The following ADAM29 variants were observed in gnomAD, a reference collection of about 807,000 sequenced individuals.
The protein encoded by ADAM29 is disintegrin and metalloproteinase domain-containing protein 29.
For synonymous variants in ADAM29, 367 were observed against 342.3 expected, an observed-to-expected ratio of 1.07 and a Z score of -0.80; for missense variants, 969 against 1,001.8, an observed-to-expected ratio of 0.97 and a Z score of 0.44.
chr4:174,933,909 C>G (rs1744054421), intron 3 of ADAM29, among the ~76,000 whole-genome samples: 1 of 152,180 alleles, frequency 6.6e-6, no homozygotes. Flanking sequence ...TGTGTCTCTA[C>G]TATTGTGAAT....
In ADAM29 at chr4:174,948,757, C is replaced by T. The variant is rs953168493; in HGVS notation, c.-181+11744C>T. 3.3e-5 allele frequency among the ~76,000 whole-genome samples: 5 copies of T among 152,200 alleles called. No individual in the cohort carries two copies. In the East Asian group the frequency reaches 9.7e-4, roughly 29 times the overall value. On this transcript the variant is annotated intron_variant, in intron 4 of 4. Coordinates refer to ENST00000359240, the MANE Select transcript of ADAM29 (RefSeq NM_014269.4). ...CTGCTAGCACTTGTGCTGATAGTGG[C>T]AGTGGTGATGGGGGCACTGGCAGAG...
At chr4:174,961,234 T>C (rs1485702463) in intron 4 of ADAM29, among the ~76,000 whole-genome samples, 3 of 152,002 alleles carry the variant, frequency 2.0e-5, no homozygotes, top group African/African-American at 7.2e-5. Flanking sequence ...AAATATCCCT[T>C]TTTACATACA....
chr4:174,938,449 G>A (rs1744324041), intron 4 of ADAM29, among the ~76,000 whole-genome samples: 1 of 151,978 alleles, frequency 6.6e-6, no homozygotes, highest in African/African-American at 2.4e-5. Flanking sequence ...ATTTCTTAAG[G>A]TTTTATTTGT....
intron 4 of ADAM29, among the ~76,000 whole-genome samples, chr4:174,946,713 T>C (rs1392116916): frequency 6.6e-6 from 1 of 152,146 alleles, no homozygotes; most frequent in Admixed American, 6.5e-5. Context: ...TTTTCTTTTT[T>C]TGTGGTATAT....
chr4:174,928,725 G>A (rs1743672037), intron 2 of ADAM29, among the ~76,000 whole-genome samples: 1 of 152,100 alleles, frequency 6.6e-6, no homozygotes. Context: ...TTTGCAGGGA[G>A]GTTGGTAAAC....
intron 4 of ADAM29, among the ~76,000 whole-genome samples, chr4:174,974,555 T>C (rs1157309733): frequency 5.3e-5 from 8 of 152,242 alleles, no homozygotes. Flanking sequence ...TACAAAACTT[T>C]GTTCCAGAGC....
intron 2 of ADAM29, among the ~76,000 whole-genome samples, chr4:174,927,465 A>T (rs1378908843): frequency 6.6e-6 from 1 of 152,184 alleles, no homozygotes; most frequent in African/African-American, 2.4e-5. Flanking sequence ...ATTTTAAAAA[A>T]TTTCCCTTAT....
At chr4:174,955,635 T>A (rs1745459034) in intron 4 of ADAM29, among the ~76,000 whole-genome samples, 1 of 148,056 alleles carries the variant, frequency 6.8e-6, no homozygotes, top group African/African-American at 2.5e-5. Flanking sequence ...TGTTATGCAT[T>A]GTAAACTGTC....
chr4:174,965,050 A>G (rs745713326), intron 4 of ADAM29, among the ~76,000 whole-genome samples: 1 of 152,160 alleles, frequency 6.6e-6, no homozygotes, highest in Non-Finnish European at 1.5e-5. Flanking sequence ...ATCATTTCAC[A>G]GAGAAAAAGA....
At chr4:174,939,299 ACTGT>A (rs1438188580) in intron 4 of ADAM29, among the ~76,000 whole-genome samples, 1 of 152,174 alleles carries the variant, frequency 6.6e-6, no homozygotes, top group Non-Finnish European at 1.5e-5. Context: ...ACATCAAAAC[ACTGT>A]CTAATTCATG....
chr4:174,956,522 G>GA (rs56132195), intron 4 of ADAM29, among the ~76,000 whole-genome samples: 1 of 52,038 alleles, frequency 1.9e-5, no homozygotes, highest in Admixed American at 1.7e-4. Flanking sequence ...GAGAGAGAGA[G>GA]AAAAAAAAGA....
chr4:174,921,343 C>G lies in ADAM29; in HGVS notation c.-451+551C>G, dbSNP rs192530134. On this transcript the variant is annotated intron_variant, in intron 2 of 4. Transcript: ENST00000359240. ...CTTCTTAAAAAGGCATGTGACATTACGCACACATGTAGGACAAACTGGCCT... is the reference window on the plus strand; with the variant it reads ...CTTCTTAAAAAGGCATGTGACATTAGGCACACATGTAGGACAAACTGGCCT... 5.3e-5 allele frequency among the ~76,000 whole-genome samples: 8 copies of G among 152,262 alleles called. No homozygotes were observed. The East Asian group carries it at 1.5e-3, about 29-fold the overall frequency.
chr4:174,978,147 C>A lies in ADAM29; in HGVS notation c.*159C>A. 1 of 1,179,938 alleles carries A rather than the reference C, an allele frequency of 8.5e-7. No individual in the cohort carries two copies. Among genetic ancestry groups the A allele is most frequent in the Non-Finnish European group, 1.2e-6 (1 of 831,902 alleles). The allele number at this position is 1,179,938 out of a possible 1,614,324, so 73.1% of individuals were successfully genotyped here. A position where few individuals can be genotyped will look rare whatever the true frequency, so the allele number is the denominator to read the frequency against. On this transcript the variant is annotated 3_prime_UTR_variant, in exon 5 of 5. Transcript: ENST00000359240. ...CAGTACCAATTCCAAAAACTGTATCCAGAAAAGGTACATTAAAAAAATAAT... is the reference window on the plus strand; with the variant it reads ...CAGTACCAATTCCAAAAACTGTATCAAGAAAAGGTACATTAAAAAAATAAT...
chr4:174,972,204 C>A (rs1746517220), intron 4 of ADAM29, among the ~76,000 whole-genome samples: 1 of 152,104 alleles, frequency 6.6e-6, no homozygotes, highest in Middle Eastern at 3.2e-3. Context: ...TTTATCTCTT[C>A]TTTCTTTGTT....
intron 4 of ADAM29, among the ~76,000 whole-genome samples, chr4:174,967,812 G>T (rs548843356): frequency 2.0e-5 from 3 of 152,118 alleles, no homozygotes. Context: ...ATTGTTGGGT[G>T]GTTAAGACAA....
intron 4 of ADAM29, among the ~76,000 whole-genome samples, chr4:174,941,968 G>T (rs1166152012): frequency 3.9e-5 from 6 of 152,158 alleles, no homozygotes; most frequent in Non-Finnish European, 7.3e-5. Flanking sequence ...GGAAAAATTG[G>T]CCAAAACAAA....
Position 174,975,923 on chromosome 4 carries a change from C to G in ADAM29, c.398C>G (p.Ala133Gly). Residue 133 changes from alanine to glycine, a missense_variant, in exon 5 of 5, where the codon GCT becomes GGT. By Grantham distance (60) the Ala-to-Gly change is moderately conservative. Transcript: ENST00000359240. ...GGAATATTACAGATAAATGACTTTG[C>G]TTATGAAATCAAGCCCCTAGCATTT... Reference protein sequence around the residue: ...FQGILQINDFAYEIKPLAFST... With the variant: ...FQGILQINDFGYEIKPLAFST... 1 of 1,613,782 alleles carries G rather than the reference C, an allele frequency of 6.2e-7. No individual in the cohort carries two copies. Among genetic ancestry groups the G allele is most frequent in the Non-Finnish European group, 8.5e-7 (1 of 1,179,894 alleles).
At chr4:174,962,469 G>A (rs1447117683) in intron 4 of ADAM29, among the ~76,000 whole-genome samples, 7 of 147,268 alleles carry the variant, frequency 4.8e-5, no homozygotes, top group African/African-American at 7.6e-5. Flanking sequence ...CCGAGATCGC[G>A]CCACTGCACT....
intron 4 of ADAM29, among the ~76,000 whole-genome samples, chr4:174,953,338 T>A (rs1466587389): frequency 2.6e-5 from 4 of 152,170 alleles, no homozygotes; most frequent in Non-Finnish European, 2.9e-5. Context: ...AGTGAATAGA[T>A]GTTTACTCTT....
Sources: gnomAD v4.1 joint callset for allele counts (sites outside exome capture counted in the v4.1 genomes callset) on GRCh38, gnomAD v4.1.1 for gene constraint, MANE v1.5 for transcripts, NCBI Gene and HGNC (gene_info 2026-07-23, HGNC 2026-07-21) for gene names.